The following ADCY9 variants were observed in gnomAD, a reference collection of about 807,000 sequenced individuals.
The protein encoded by ADCY9 is adenylate cyclase type 9.
In ADCY9, 50 loss-of-function variants were observed where a neutral mutation model predicts 101.5. That is an observed-to-expected ratio of 0.49 (90% CI 0.39 to 0.62). ADCY9 has a LOEUF of 0.62. Ranked by LOEUF, ADCY9 falls within the 20% of genes least tolerant of loss-of-function variation. The pLI, the probability that ADCY9 is intolerant of heterozygous loss-of-function variation, is 0.00. For synonymous variants in ADCY9, 905 were observed against 769.3 expected, an observed-to-expected ratio of 1.18 and a Z score of -2.92; for missense variants, 1,662 against 1,800.4, an observed-to-expected ratio of 0.92 and a Z score of 1.39.
At chr16:3,980,790 G>T (rs568488494) in intron 7 of ADCY9, among the ~76,000 whole-genome samples, 4 of 152,216 alleles carry the variant, frequency 2.6e-5, no homozygotes, top group Admixed American at 6.5e-5. Context: ...GCCCTAGGAG[G>T]GGGGACAGAG....
chr16:4,097,199 G>A (rs949421998), intron 2 of ADCY9, among the ~76,000 whole-genome samples: 1 of 151,752 alleles, frequency 6.6e-6, no homozygotes, highest in African/African-American at 2.4e-5. Context: ...GCAGCACCTC[G>A]GAGCCCACAG....
chr16:3,965,448 T>A lies in ADCY9; in HGVS notation c.*327A>T, dbSNP rs1460864900. On this transcript the variant is annotated 3_prime_UTR_variant, in exon 11 of 11. Transcript: ENST00000294016. ...TTAACCACAGCTTTTGTTCTAAAAG[T>A]CAAATAATACCCAAAGCCATGATCT... The A allele has an allele frequency of 3.0e-6, 1 of 336,150 alleles. No individual in the cohort carries two copies. Among genetic ancestry groups the A allele is most frequent in the East Asian group, 5.3e-5 (1 of 18,842 alleles). 20.8% of individuals were successfully genotyped at this position (336,150 alleles called of 1,614,324 possible). A position where few individuals can be genotyped will look rare whatever the true frequency, so the allele number is the denominator to read the frequency against.
chr16:4,041,947 G>A (rs1483405331), intron 2 of ADCY9, among the ~76,000 whole-genome samples: 10 of 113,082 alleles, frequency 8.8e-5, no homozygotes, highest in African/African-American at 2.4e-4. Flanking sequence ...TTTTTGAGAC[G>A]GAGTCTTGCT....
chr16:4,115,448 C>G lies in ADCY9; in HGVS notation c.-6G>C. 6.5e-7 allele frequency: 1 copy of G among 1,536,060 alleles called. No individual in the cohort carries two copies. ...TGGTGGGGTGGGGAAGCCATGTTGTCGAGTCCCGGGGCCTGCCCCGGCCGG... is the reference window on the plus strand; with the variant it reads ...TGGTGGGGTGGGGAAGCCATGTTGTGGAGTCCCGGGGCCTGCCCCGGCCGG... On this transcript the variant is annotated 5_prime_UTR_variant, in exon 2 of 11. Coordinates refer to ENST00000294016, the MANE Select transcript of ADCY9 (RefSeq NM_001116.4). The surrounding 1 kb of genome is among the most constrained non-coding windows in gnomAD (Gnocchi z 6.2).
chr16:4,069,415 C>T (rs984820302), intron 2 of ADCY9, among the ~76,000 whole-genome samples: 3 of 151,572 alleles, frequency 2.0e-5, no homozygotes, highest in East Asian at 3.9e-4. Flanking sequence ...ATCTACTTCT[C>T]GGGGGAGCCG....
rs920390469 is a variant in ADCY9, at chr16:4,115,846, G to C, written c.-200C>G. ...CCTCCAGCTGCGGCTCCGGAGGGAA[G>C]TTCAGACCTTGAGCGCTCCCAGCCC... On this transcript the variant is annotated 5_prime_UTR_variant, in exon 1 of 11. Transcript: ENST00000294016. This position sits in a 1 kb window ranked among gnomAD's most constrained non-coding sequence, Gnocchi z 6.2. The C allele has an allele frequency of 3.0e-5, 12 of 401,156 alleles. No homozygotes were observed. The highest frequency in any genetic ancestry group is 5.3e-5 in the Non-Finnish European group (12 of 228,090). The allele number at this position is 401,156 out of a possible 1,614,324, so 24.8% of individuals were successfully genotyped here. A position where few individuals can be genotyped will look rare whatever the true frequency, so the allele number is the denominator to read the frequency against.
downstream of ADCY9, among the ~76,000 whole-genome samples, chr16:3,960,887 T>C (rs1057159372): frequency 7.2e-5 from 11 of 152,252 alleles, no homozygotes; most frequent in Non-Finnish European, 1.2e-4. Context: ...AATGTACATG[T>C]CCATTGCGTG....
At chr16:4,048,685 T>C (rs1479748681) in intron 2 of ADCY9, among the ~76,000 whole-genome samples, 1 of 152,140 alleles carries the variant, frequency 6.6e-6, no homozygotes, top group Non-Finnish European at 1.5e-5. Flanking sequence ...CACTCCCTTC[T>C]TTCCCAAGAG....
chr16:3,974,198 T>A (rs372914059), intron 10 of ADCY9, among the ~76,000 whole-genome samples: 1 of 152,132 alleles, frequency 6.6e-6, no homozygotes, highest in East Asian at 1.9e-4. Flanking sequence ...CCCGCCACCA[T>A]GCCCAGCTAA....
At chr16:4,060,233 T>C (rs2056766579) in intron 2 of ADCY9, among the ~76,000 whole-genome samples, 1 of 152,190 alleles carries the variant, frequency 6.6e-6, no homozygotes. Context: ...GCCAAAAACC[T>C]AGCCGGAAGA....
Position 3,983,360 on chromosome 16 carries a change from C to T in ADCY9, c.2391G>A (p.Val797=). 1 of 1,603,966 alleles carries T rather than the reference C, an allele frequency of 6.2e-7. No individual in the cohort carries two copies. Among genetic ancestry groups the T allele is most frequent in the Non-Finnish European group, 8.5e-7 (1 of 1,175,036 alleles). Residue 797 remains valine (V), a synonymous_variant, in exon 7 of 11, where the codon GTG becomes GTA. Coordinates refer to ENST00000294016, the MANE Select transcript of ADCY9 (RefSeq NM_001116.4). ...SLLDVFLSTT[V]FLTLSTTCFL... Reference sequence around the variant, plus strand: ...AGCAGGTGGTGGACAGCGTCAGAAACACTGTGGTCGACAGAAACACATCCA... The same window carrying T: ...AGCAGGTGGTGGACAGCGTCAGAAATACTGTGGTCGACAGAAACACATCCA...
intron 2 of ADCY9, among the ~76,000 whole-genome samples, chr16:4,106,936 G>T (rs755451583): frequency 1.3e-5 from 2 of 152,148 alleles, no homozygotes; most frequent in African/African-American, 4.8e-5. Context: ...CCCTTCCTTA[G>T]GCATTCTACC....
intron 2 of ADCY9, among the ~76,000 whole-genome samples, chr16:4,039,716 T>C (rs908476969): frequency 3.4e-5 from 5 of 147,408 alleles, no homozygotes; most frequent in Non-Finnish European, 7.4e-5. Flanking sequence ...GATTGCACCC[T>C]TGAAAGTTAA....
intron 2 of ADCY9, among the ~76,000 whole-genome samples, chr16:4,021,372 G>T (rs1339576932): frequency 1.3e-5 from 2 of 152,196 alleles, no homozygotes; most frequent in Non-Finnish European, 2.9e-5. Flanking sequence ...CTTAGCCTCA[G>T]GCAAATTCAT....
In ADCY9 at chr16:4,016,841, T is replaced by C. The variant is rs879499487; in HGVS notation, c.1694-9283A>G. Among the ~76,000 whole-genome samples the C allele has an allele frequency of 2.0e-5, 3 of 152,164 alleles. No individual in the cohort carries two copies. In the South Asian group the frequency reaches 6.2e-4, roughly 32 times the overall value. On this transcript the variant is annotated intron_variant, in intron 2 of 10. Coordinates refer to ENST00000294016, the MANE Select transcript of ADCY9 (RefSeq NM_001116.4). ...GGGTTTAGGAGAGAGAGGGTGTAAC[T>C]GCTAACGGATGCAGGGTTACTTTTT...
At chr16:4,065,971 T>C (rs941419449) in intron 2 of ADCY9, among the ~76,000 whole-genome samples, 5 of 152,248 alleles carry the variant, frequency 3.3e-5, no homozygotes, top group African/African-American at 7.2e-5. Flanking sequence ...CCCAAAGTGC[T>C]GGGATTACAG....
intron 10 of ADCY9, 41 bp from the exon 11 acceptor site, chr16:3,967,007 G>A (rs1225616129): frequency 8.4e-6 from 13 of 1,543,042 alleles, no homozygotes; most frequent in South Asian, 2.4e-5. Context: ...GTTACTGCTC[G>A]GCGCTTCCAA....
At position 4,116,050 on chromosome 16, in the gene ADCY9, C is replaced by T. The variant is rs1487295721; in HGVS notation, c.-404G>A. 1 of 145,986 alleles carries T rather than the reference C, an allele frequency of 6.8e-6. No individual in the cohort carries two copies. Among genetic ancestry groups the T allele is most frequent in the African/African-American group, 2.5e-5 (1 of 40,756 alleles). 9.0% of individuals were successfully genotyped at this position (145,986 alleles called of 1,614,324 possible). On this transcript the variant is annotated 5_prime_UTR_variant, in exon 1 of 11. Coordinates refer to ENST00000294016, the MANE Select transcript of ADCY9 (RefSeq NM_001116.4). The stretch of plus-strand genomic sequence containing the variant: ...CGCTCCCCGGCCGCCCCCCGCGCTC[C>T]GGGCCGGCCCTGCCCGCGGCGGCGG...
At position 3,993,380 on chromosome 16, in the gene ADCY9, A is replaced by G. The variant is rs759853142; in HGVS notation, c.1989+26T>C. 5 of 1,609,672 alleles carry G rather than the reference A, an allele frequency of 3.1e-6. No individual in the cohort carries two copies. In the Admixed American group the frequency reaches 8.3e-5, roughly 27 times the overall value. On this transcript the variant is annotated intron_variant, in intron 4 of 10. Transcript: ENST00000294016. ...TGGATGCGCCAGGAGAGGAACTGAC[A>G]GGAACAACAGCCATGAGCTTGTTAC...
Sources: allele counts gnomAD v4.1 joint callset (sites outside exome capture counted in the v4.1 genomes callset), GRCh38; gene constraint gnomAD v4.1.1; non-coding constraint Gnocchi (gnomAD v3.1); transcripts MANE v1.5; gene names NCBI Gene and HGNC (gene_info 2026-07-23, HGNC 2026-07-21).